The following RALYL variants were observed in gnomAD, a reference collection of about 807,000 sequenced individuals.
The protein encoded by RALYL is RALY RNA binding protein like.
RALYL carries 29 observed loss-of-function variants against 35.1 expected under a neutral mutation model. The observed-to-expected ratio is 0.83, with a 90% CI of 0.61 to 1.13. RALYL has a LOEUF of 1.13. RALYL is among the 50% of genes most tolerant of loss of function. The pLI is 0.00. For synonymous variants in RALYL, 120 were observed against 127.6 expected, an observed-to-expected ratio of 0.94 and a Z score of 0.40; for missense variants, 359 against 360.4, an observed-to-expected ratio of 1.00 and a Z score of 0.03.
chr8:84,449,081 T>G (rs545968645), intron 1 of RALYL, among the ~76,000 whole-genome samples: 24 of 150,506 alleles, frequency 1.6e-4, no homozygotes, highest in Non-Finnish European at 3.0e-4. Context: ...TTTTTTTGTT[T>G]TTTTTTTTTT....
intron 2 of RALYL, among the ~76,000 whole-genome samples, chr8:84,552,356 A>ATTTTTTTTTTTTTTT (rs2060794665): frequency 2.0e-5 from 1 of 49,654 alleles, no homozygotes; most frequent in East Asian, 6.6e-4. Flanking sequence ...ATATATATAT[A>ATTTTTTTTTTTTTTT]TATTTTTTTT....
At chr8:84,834,828 A>G (rs576703701) in intron 4 of RALYL, among the ~76,000 whole-genome samples, 1 of 152,380 alleles carries the variant, frequency 6.6e-6, no homozygotes, top group Admixed American at 6.5e-5. Context: ...TAAATACTAT[A>G]GCAGAAAGTT....
chr8:84,268,701 G>T (rs1833764802), intron 1 of RALYL, among the ~76,000 whole-genome samples: 1 of 152,152 alleles, frequency 6.6e-6, no homozygotes, highest in Non-Finnish European at 1.5e-5. Context: ...TCTACTGAGA[G>T]TGATTGTTTT....
intron 1 of RALYL, among the ~76,000 whole-genome samples, chr8:84,428,213 ATTAG>A (rs1404306554): frequency 2.0e-5 from 3 of 152,018 alleles, no homozygotes; most frequent in Admixed American, 6.6e-5. Flanking sequence ...TATATAAACT[ATTAG>A]TTATAGTTTT....
intron 1 of RALYL, among the ~76,000 whole-genome samples, chr8:84,487,809 A>C (rs1256204668): frequency 6.6e-6 from 1 of 152,092 alleles, no homozygotes; most frequent in South Asian, 2.1e-4. Flanking sequence ...CTTTATAATG[A>C]ATTTATTTAT....
At chr8:84,504,114 T>G (rs1374267664) in intron 1 of RALYL, among the ~76,000 whole-genome samples, 1 of 151,772 alleles carries the variant, frequency 6.6e-6, no homozygotes, top group Non-Finnish European at 1.5e-5. Flanking sequence ...ATAGTTACTA[T>G]AAAGAACAAC....
chr8:84,842,259 G>T (rs1833570866), intron 4 of RALYL, among the ~76,000 whole-genome samples: 2 of 152,084 alleles, frequency 1.3e-5, no homozygotes, highest in African/African-American at 2.4e-5. Context: ...GAATCAAATA[G>T]ACGCAATAAA....
At chr8:84,630,469 G>T (rs1823677631) in intron 2 of RALYL, among the ~76,000 whole-genome samples, 1 of 151,992 alleles carries the variant, frequency 6.6e-6, no homozygotes, top group South Asian at 2.1e-4. Context: ...TGATTGCTTA[G>T]AATATGCATA....
At chr8:84,826,895 G>A (rs1435695255) in intron 4 of RALYL, among the ~76,000 whole-genome samples, 1 of 151,896 alleles carries the variant, frequency 6.6e-6, no homozygotes, top group African/African-American at 2.4e-5. Context: ...TAACATGGAA[G>A]AAAATCCCAG....
intron 4 of RALYL, among the ~76,000 whole-genome samples, chr8:84,831,172 A>G (rs930019843): frequency 2.0e-5 from 3 of 152,172 alleles, no homozygotes; most frequent in African/African-American, 4.8e-5. Flanking sequence ...AAAGTAAAAT[A>G]TATAATTCAT....
At chr8:84,730,727 A>G (rs970175709) in intron 2 of RALYL, among the ~76,000 whole-genome samples, 1 of 152,096 alleles carries the variant, frequency 6.6e-6, no homozygotes, top group Non-Finnish European at 1.5e-5. Flanking sequence ...ACCATGGGAC[A>G]TAACAAAACT....
At chr8:84,430,568 A>G (rs1313361883) in intron 1 of RALYL, among the ~76,000 whole-genome samples, 1 of 152,132 alleles carries the variant, frequency 6.6e-6, no homozygotes, top group East Asian at 1.9e-4. Flanking sequence ...GGAGGAAACC[A>G]GTGAGTGTCA....
intron 1 of RALYL, among the ~76,000 whole-genome samples, chr8:84,265,260 T>C (rs1833069880): frequency 6.6e-6 from 1 of 152,124 alleles, no homozygotes; most frequent in Admixed American, 6.6e-5. Context: ...TTGAGATGGG[T>C]AAATTATCCT....
At chr8:84,761,324 A>G (rs879328933) in intron 2 of RALYL, among the ~76,000 whole-genome samples, 1 of 152,046 alleles carries the variant, frequency 6.6e-6, no homozygotes. Context: ...ATAACTGACC[A>G]GGATATGATA....
chr8:84,860,844 A>C (rs933308482), intron 5 of RALYL, among the ~76,000 whole-genome samples: 1 of 152,194 alleles, frequency 6.6e-6, no homozygotes, highest in Non-Finnish European at 1.5e-5. Context: ...GATATTCTTA[A>C]TACTAAGGAA....
At chr8:84,665,223 A>G (rs949987595) in intron 2 of RALYL, among the ~76,000 whole-genome samples, 2 of 152,026 alleles carry the variant, frequency 1.3e-5, no homozygotes, top group East Asian at 3.9e-4. Flanking sequence ...GTTTGCCAGT[A>G]TTTTGTTGAG....
At chr8:84,735,349 T>C (rs1847058512) in intron 2 of RALYL, among the ~76,000 whole-genome samples, 1 of 152,074 alleles carries the variant, frequency 6.6e-6, no homozygotes, top group Admixed American at 6.6e-5. Flanking sequence ...AACAATTTAG[T>C]ATCTTAGGTT....
At chr8:84,618,293 G>T (rs1588547965) in intron 2 of RALYL, among the ~76,000 whole-genome samples, 1 of 151,868 alleles carries the variant, frequency 6.6e-6, no homozygotes, top group East Asian at 1.9e-4. Flanking sequence ...TCTATTCAGA[G>T]ATTCAACTTC....
At chr8:84,744,920 T>C (rs1420649975) in intron 2 of RALYL, among the ~76,000 whole-genome samples, 1 of 152,132 alleles carries the variant, frequency 6.6e-6, no homozygotes, top group East Asian at 1.9e-4. Flanking sequence ...AAGTAATTGA[T>C]ATACTATTGA....
Sources: gnomAD v4.1 joint callset for allele counts (sites outside exome capture counted in the v4.1 genomes callset) on GRCh38, gnomAD v4.1.1 for gene constraint, MANE v1.5 for transcripts, NCBI Gene and HGNC (gene_info 2026-07-23, HGNC 2026-07-21) for gene names.